SHANK1: variants seen among roughly 807,000 people sequenced by gnomAD.
SHANK1 encodes SH3 and multiple ankyrin repeat domains 1.
A neutral mutation model predicts 165.6 loss-of-function variants in SHANK1; 35 were observed. The ratio of observed to expected loss-of-function variants is 0.21; its 90% CI spans 0.16 to 0.28. The LOEUF (loss-of-function observed/expected upper bound fraction) is 0.28, where lower values mean the gene tolerates loss of function less well. Among genes scored for constraint, SHANK1 ranks in the 10% least tolerant of loss-of-function variants. The pLI, the probability that SHANK1 is intolerant of heterozygous loss-of-function variation, is 1.00. For synonymous variants in SHANK1, 1,428 were observed against 1,384.8 expected, an observed-to-expected ratio of 1.03 and a Z score of -0.69; for missense variants, 2,681 against 3,036.4, an observed-to-expected ratio of 0.88 and a Z score of 2.75.
In SHANK1 at chr19:50,690,044, A is replaced by G. The variant is rs1220811899; in HGVS notation, c.1965-765T>C. On this transcript the variant is annotated intron_variant, in intron 15 of 23. Transcript: ENST00000293441. The surrounding 1 kb of genome is among the most constrained non-coding windows in gnomAD (Gnocchi z 4.9). Reference sequence around the variant, plus strand: ...ATATTTCCAAGTGTGCAGAAGCTGCACATGGCTGGTGGCCACCACATTGGA... The same window carrying G: ...ATATTTCCAAGTGTGCAGAAGCTGCGCATGGCTGGTGGCCACCACATTGGA... 1.3e-5 allele frequency among the ~76,000 whole-genome samples: 2 copies of G among 152,220 alleles called. No individual in the cohort carries two copies. Among genetic ancestry groups the G allele is most frequent in the African/African-American group, 4.8e-5 (2 of 41,468 alleles).
chr19:50,684,599 G>A (rs1986276658), intron 21 of SHANK1, among the ~76,000 whole-genome samples: 1 of 152,130 alleles, frequency 6.6e-6, no homozygotes, highest in African/African-American at 2.4e-5. Context: ...TCAGGGGCCT[G>A]TGCACTTGTA....
At chr19:50,669,309 G>A in intron 22 of SHANK1, 24 bp from the exon 23 acceptor site, 1 of 1,554,668 alleles carries the variant, frequency 6.4e-7, no homozygotes, top group South Asian at 1.1e-5. Context: ...GAGGCTCAAG[G>A]AGGGGGACCC....
intron 15 of SHANK1, among the ~76,000 whole-genome samples, chr19:50,696,771 TGTGTGTGA>T (rs1406773262): frequency 6.6e-6 from 1 of 152,080 alleles, no homozygotes; most frequent in African/African-American, 2.4e-5. Context: ...CACCTGTCCA[TGTGTGTGA>T]GCAGACTCAC....
At chr19:50,664,587 G>A (rs1985405153) in intron 23 of SHANK1, among the ~76,000 whole-genome samples, 1 of 152,192 alleles carries the variant, frequency 6.6e-6, no homozygotes, top group Non-Finnish European at 1.5e-5. Flanking sequence ...AAAGTGCAGG[G>A]TTGGGACTGG....
rs111975267 is a variant in SHANK1 at position 50,711,506 on chromosome 19, G to C, written c.961-19C>G. ...GGCAGGCCTGGGCAGGACAGGGAGC[G>C]AGGGGCATGGATCAGACCCAGGCTG... On this transcript the variant is annotated intron_variant, in intron 7 of 23. Transcript: ENST00000293441. 2.6e-6 allele frequency: 4 copies of C among 1,536,552 alleles called. No homozygotes were observed. Among genetic ancestry groups the C allele is most frequent in the Admixed American group, 1.9e-5 (1 of 53,864 alleles).
chr19:50,678,303 C>T (rs541617181), intron 21 of SHANK1, among the ~76,000 whole-genome samples: 166 of 151,924 alleles, frequency 1.1e-3, no homozygotes, highest in African/African-American at 3.6e-3. Context: ...AGGAAGCACA[C>T]GGGGACTGCT....
At position 50,666,403 on chromosome 19, in the gene SHANK1, CG is replaced by C. The variant is rs762156350; in HGVS notation, c.5556del (p.Leu1855TrpfsTer12). 1 of 1,612,772 alleles carries C rather than the reference CG, an allele frequency of 6.2e-7. No individual in the cohort carries two copies. Among genetic ancestry groups the C allele is most frequent in the Non-Finnish European group, 8.5e-7 (1 of 1,179,626 alleles). ...GAGGCCTGAGGCTGGGCCAAGGGCC[CG>C]GGCAGAGGTGGTGGCGGTGGGCCCG... ...EGPGPPPPPL[P>X]GPLAQPQASA... On this transcript the variant is annotated frameshift_variant, in exon 23 of 24. Transcript: ENST00000293441. LOFTEE classifies it high-confidence loss of function.
At position 50,668,685 on chromosome 19, in the gene SHANK1, G is replaced by A; in HGVS notation, c.3275C>T (p.Ala1092Val). 1 of 1,311,932 alleles carries A rather than the reference G, an allele frequency of 7.6e-7. No homozygotes were observed. Among genetic ancestry groups the A allele is most frequent in the South Asian group, 2.2e-5 (1 of 44,610 alleles). 81.3% of individuals were successfully genotyped at this position (1,311,932 alleles called of 1,614,324 possible). A position where few individuals can be genotyped will look rare whatever the true frequency, so the allele number is the denominator to read the frequency against. The change falls in exon 23 of 24, where the codon GCC (alanine) becomes GTC (valine). Residue 1092 changes from alanine (A) to valine (V), a missense_variant. This residue lies in a region of SHANK1 where 1,713 missense variants were observed against 1,630.2 expected (regional missense o/e 1.05). Coordinates refer to ENST00000293441, the MANE Select transcript of SHANK1 (RefSeq NM_016148.5). The stretch of plus-strand genomic sequence containing the variant: ...GGCGGGCACGTACATGGCTGCGCTG[G>A]CCGCCCGCGGGGGCAGCTGGAAATA... The part of the protein sequence containing the change: ...LRYFQLPPRA[A>V]SAAMYVPARS...
chr19:50,679,298 A>C (rs1986096306), intron 21 of SHANK1, among the ~76,000 whole-genome samples: 2 of 151,152 alleles, frequency 1.3e-5, no homozygotes, highest in Non-Finnish European at 3.0e-5. Context: ...CCGACAGAGG[A>C]GGGTGCAGAG....
In SHANK1 at chr19:50,716,533, A is replaced by C. The variant is rs2089071762; in HGVS notation, c.256-55T>G. ...GGGCCAGGGGCCAGAGGAGAGCCTGAGGTGGGTTGGGAAGTGAGCCAGGAG... is the reference window on the plus strand; with the variant it reads ...GGGCCAGGGGCCAGAGGAGAGCCTGCGGTGGGTTGGGAAGTGAGCCAGGAG... On this transcript the variant is annotated intron_variant, in intron 2 of 23. Coordinates refer to ENST00000293441, the MANE Select transcript of SHANK1 (RefSeq NM_016148.5). The surrounding 1 kb of genome is among the most constrained non-coding windows in gnomAD (Gnocchi z 8.4). 3 of 1,598,422 alleles carry C rather than the reference A, an allele frequency of 1.9e-6. No homozygotes were observed. In the African/African-American group the frequency reaches 4.0e-5, roughly 21 times the overall value.
At chr19:50,711,521 G>T in intron 7 of SHANK1, 34 bp from the exon 8 acceptor site, 1 of 1,476,742 alleles carries the variant, frequency 6.8e-7, no homozygotes, top group Non-Finnish European at 9.3e-7. Context: ...GCATGGATCA[G>T]ACCCAGGCTG....
At position 50,662,692 on chromosome 19, in the gene SHANK1, G is replaced by A; in HGVS notation, c.5769-10C>T. Reference sequence around the variant, plus strand: ...GGAGTCGTCGGAGAGTCTGGAATGTGACAAGGGGGCAGTGGGGGAGGACAG... The same window carrying A: ...GGAGTCGTCGGAGAGTCTGGAATGTAACAAGGGGGCAGTGGGGGAGGACAG... On this transcript the variant is annotated splice_polypyrimidine_tract_variant and intron_variant, in intron 23 of 23. Transcript: ENST00000293441. The surrounding 1 kb of genome is among the most constrained non-coding windows in gnomAD (Gnocchi z 7.7). The A allele has an allele frequency of 6.4e-7, 1 of 1,558,278 alleles. No homozygotes were observed. The highest frequency in any genetic ancestry group is 8.7e-7 in the Non-Finnish European group (1 of 1,151,064).
chr19:50,696,186 C>A (rs116257105), intron 15 of SHANK1, among the ~76,000 whole-genome samples: 1 of 152,178 alleles, frequency 6.6e-6, no homozygotes, highest in African/African-American at 2.4e-5. Context: ...GGACAAGTGA[C>A]CCCCACAGAC....
intron 8 of SHANK1, among the ~76,000 whole-genome samples, chr19:50,708,138 G>C (rs967663946): frequency 7.9e-5 from 12 of 151,780 alleles, no homozygotes; most frequent in African/African-American, 2.9e-4. Context: ...GTAGAGACAG[G>C]GTTTCACCAT....
At chr19:50,704,329 C>T (rs759568371) in intron 9 of SHANK1, 108 bp downstream of exon 9, 36 of 1,320,862 alleles carry the variant, frequency 2.7e-5, no homozygotes, top group East Asian at 2.1e-4. Context: ...TCCCCCTCCA[C>T]GGCCTGTCTC....
In SHANK1 at chr19:50,660,882, G is replaced by A. The variant is rs1318585295; in HGVS notation, c.*1083C>T. Among the ~76,000 whole-genome samples the A allele has an allele frequency of 6.7e-6, 1 of 148,554 alleles. No homozygotes were observed. The highest frequency in any genetic ancestry group is 2.5e-5 in the African/African-American group (1 of 40,220). ...GTGTGAGAGAAACAGTTTCTGGGAG[G>A]CAAGTGTGCAAAAGGCGTGACCAAA... is the stretch of plus-strand genomic sequence containing the variant. On this transcript the variant is annotated 3_prime_UTR_variant, in exon 24 of 24. Transcript: ENST00000293441.
In SHANK1 at chr19:50,672,127, A is replaced by T; in HGVS notation, c.2578-13T>A. The T allele has an allele frequency of 6.2e-7, 1 of 1,603,306 alleles. No homozygotes were observed. Among genetic ancestry groups the T allele is most frequent in the Non-Finnish European group, 8.5e-7 (1 of 1,171,432 alleles). The stretch of plus-strand genomic sequence containing the variant: ...GATCGAAGCTCGACTTTGGAGCGGC[A>T]GTCAGAGGGGGAGAGAGAGAAAAGA... On this transcript the variant is annotated splice_polypyrimidine_tract_variant and intron_variant, in intron 21 of 23. Coordinates refer to ENST00000293441, the MANE Select transcript of SHANK1 (RefSeq NM_016148.5).
rs1225979497 is a variant in SHANK1, at chr19:50,707,582, G to A, written c.1078-3068C>T. On this transcript the variant is annotated intron_variant, in intron 8 of 23. Coordinates refer to ENST00000293441, the MANE Select transcript of SHANK1 (RefSeq NM_016148.5). ...CTTCTTCCTTTTTTTTTTTTTTTGA[G>A]ACAGAGTCTCGCTCTGTTGCCAGGC... Among the ~76,000 whole-genome samples the A allele has an allele frequency of 2.1e-5, 3 of 145,134 alleles. No homozygotes were observed. The East Asian group carries it at 6.0e-4, about 29-fold the overall frequency.
intron 23 of SHANK1, among the ~76,000 whole-genome samples, chr19:50,665,391 C>T (rs10418766): frequency 0.11 from 17,417 of 151,518 alleles, 1,107 homozygotes; most frequent in Middle Eastern, 0.15. Flanking sequence ...GTGGCAAAAC[C>T]CCTCATCTCT....
Sources: gnomAD v4.1 joint callset for allele counts (sites outside exome capture counted in the v4.1 genomes callset) on GRCh38, gnomAD v4.1.1 for gene constraint, gnomAD v4.1.1 regional missense constraint, Gnocchi (gnomAD v3.1) non-coding constraint, MANE v1.5 for transcripts, NCBI Gene and HGNC (gene_info 2026-07-23, HGNC 2026-07-21) for gene names.